The following HSD17B2 variants were observed in gnomAD, a reference collection of about 807,000 sequenced individuals.
The protein encoded by HSD17B2 is 17-beta-hydroxysteroid dehydrogenase type 2.
HSD17B2 carries 32 observed loss-of-function variants against 26.9 expected under a neutral mutation model. The ratio of observed to expected loss-of-function variants is 1.19; its 90% CI spans 0.90 to 1.60. The LOEUF (loss-of-function observed/expected upper bound fraction) is 1.60. Ranked by LOEUF, HSD17B2 falls within the 40% of genes most tolerant of loss-of-function variation. The pLI is 0.00. For missense variants in HSD17B2, 613 were observed against 468.6 expected, an observed-to-expected ratio of 1.31 and a Z score of -2.85; for synonymous variants, 246 against 186.7, an observed-to-expected ratio of 1.32 and a Z score of -2.59.
chr16:82,062,892 C>T (rs191321156), intron 1 of HSD17B2, among the ~76,000 whole-genome samples: 1 of 152,296 alleles, frequency 6.6e-6, no homozygotes, highest in Admixed American at 6.5e-5. Context: ...TTTTCAAGGC[C>T]CTCTGACCCC....
chr16:82,068,957 C>A (rs1047243448), intron 2 of HSD17B2, among the ~76,000 whole-genome samples: 3 of 152,118 alleles, frequency 2.0e-5, no homozygotes, highest in Admixed American at 1.3e-4. Flanking sequence ...GCAGGATGTG[C>A]TGGTTTGTGA....
At chr16:82,083,806 AC>A (rs1904445782) in intron 3 of HSD17B2, among the ~76,000 whole-genome samples, 1 of 152,120 alleles carries the variant, frequency 6.6e-6, no homozygotes, top group Non-Finnish European at 1.5e-5. Context: ...ACTACAGGAG[AC>A]TTTTCCCCAT....
chr16:82,039,262 C>A (rs1913702643), intron 1 of HSD17B2, among the ~76,000 whole-genome samples: 1 of 151,492 alleles, frequency 6.6e-6, no homozygotes, highest in African/African-American at 2.4e-5. Flanking sequence ...CACACACACA[C>A]ACACACACAC....
chr16:82,051,229 G>T (rs755660747), intron 1 of HSD17B2, among the ~76,000 whole-genome samples: 5 of 152,282 alleles, frequency 3.3e-5, no homozygotes, highest in Non-Finnish European at 5.9e-5. Flanking sequence ...ATAGCATTGC[G>T]TACGGCTCCT....
chr16:82,052,045 C>T (rs961602466), intron 1 of HSD17B2, among the ~76,000 whole-genome samples: 3 of 152,218 alleles, frequency 2.0e-5, no homozygotes, highest in Admixed American at 6.5e-5. Context: ...CAGAGCCAAC[C>T]ACATCATAGG....
intron 1 of HSD17B2, among the ~76,000 whole-genome samples, chr16:82,053,800 C>G (rs1186501722): frequency 2.0e-5 from 3 of 152,190 alleles, no homozygotes; most frequent in Non-Finnish European, 4.4e-5. Context: ...TGCTGGGGAG[C>G]TCAAACAACA....
At chr16:82,040,917 G>C (rs989604171) in intron 1 of HSD17B2, among the ~76,000 whole-genome samples, 1 of 152,338 alleles carries the variant, frequency 6.6e-6, no homozygotes, top group Middle Eastern at 3.4e-3. Context: ...GGTGGATGTT[G>C]AAAGGATGGC....
chr16:82,052,674 T>C (rs752319696), intron 1 of HSD17B2, among the ~76,000 whole-genome samples: 4 of 152,212 alleles, frequency 2.6e-5, no homozygotes, highest in Non-Finnish European at 5.9e-5. Context: ...TCTATTTTTT[T>C]ATGCTCAAAA....
intron 3 of HSD17B2, chr16:82,090,275 T>G (rs1188141770): frequency 1.3e-5 from 5 of 396,028 alleles, no homozygotes; most frequent in Non-Finnish European, 1.7e-5. Flanking sequence ...GGTCGGTAGG[T>G]GCTCTTCATC....
chr16:82,038,599 G>A (rs114577919), intron 1 of HSD17B2, among the ~76,000 whole-genome samples: 422 of 152,296 alleles, frequency 2.8e-3, no homozygotes, highest in African/African-American at 9.1e-3. Context: ...AGACCAACAC[G>A]ATTGTAATAA....
intron 1 of HSD17B2, among the ~76,000 whole-genome samples, chr16:82,046,450 C>T (rs1379936097): frequency 3.9e-5 from 6 of 152,230 alleles, no homozygotes; most frequent in Admixed American, 6.5e-5. Flanking sequence ...GGGCCAGGCA[C>T]GGTGGCTCAC....
intron 1 of HSD17B2, among the ~76,000 whole-genome samples, chr16:82,045,576 TA>T (rs1229164856): frequency 1.3e-5 from 2 of 152,250 alleles, no homozygotes; most frequent in African/African-American, 4.8e-5. Flanking sequence ...ACAAAAGGAA[TA>T]TAGGCGATGA....
At chr16:82,083,396 C>T (rs142043060) in intron 3 of HSD17B2, among the ~76,000 whole-genome samples, 8 of 152,118 alleles carry the variant, frequency 5.3e-5, no homozygotes, top group East Asian at 1.9e-4. Flanking sequence ...ACAGACTGCC[C>T]GGGTTTTAAT....
chr16:82,071,363 G>C, intron 3 of HSD17B2: 2 of 575,208 alleles, frequency 3.5e-6, no homozygotes, highest in Non-Finnish European at 6.3e-6. Context: ...TGGGGATTTA[G>C]GGTTCTTATA....
In HSD17B2 at chr16:82,062,211, A is replaced by G. The variant is rs540853261; in HGVS notation, c.266-5959A>G. Among the ~76,000 whole-genome samples the G allele has an allele frequency of 2.6e-5, 4 of 152,344 alleles. No individual in the cohort carries two copies. The East Asian group carries it at 7.7e-4, about 29-fold the overall frequency. The stretch of plus-strand genomic sequence containing the variant: ...ATTAACATTTTTAGAATTAACTGCT[A>G]TTTCAAATTCACTCCAATCTTGTAC... On this transcript the variant is annotated intron_variant, in intron 1 of 4. Transcript: ENST00000199936.
chr16:82,069,575 A>C (rs535614534), intron 2 of HSD17B2, among the ~76,000 whole-genome samples: 25 of 152,250 alleles, frequency 1.6e-4, no homozygotes, highest in Admixed American at 1.6e-3. Context: ...TCCTGGATGA[A>C]ACTTTGCCTC....
intron 1 of HSD17B2, among the ~76,000 whole-genome samples, chr16:82,063,606 G>A (rs1428189706): frequency 6.6e-6 from 1 of 152,212 alleles, no homozygotes; most frequent in Non-Finnish European, 1.5e-5. Flanking sequence ...TATTGCAGTA[G>A]AGGGAATGTT....
intron 1 of HSD17B2, among the ~76,000 whole-genome samples, chr16:82,048,511 G>A (rs187510566): frequency 5.9e-5 from 9 of 152,288 alleles, no homozygotes; most frequent in Admixed American, 5.9e-4. Flanking sequence ...TGGGGAATTA[G>A]CTCCAGGGAA....
intron 2 of HSD17B2, among the ~76,000 whole-genome samples, chr16:82,069,739 A>G (rs1028474518): frequency 2.6e-5 from 4 of 152,204 alleles, no homozygotes; most frequent in Non-Finnish European, 5.9e-5. Context: ...GGGGTCCAGG[A>G]TGGGCTATGT....
Sources: allele counts gnomAD v4.1 joint callset (sites outside exome capture counted in the v4.1 genomes callset), GRCh38; gene constraint gnomAD v4.1.1; transcripts MANE v1.5; gene names NCBI Gene and HGNC (gene_info 2026-07-23, HGNC 2026-07-21).